Variants in XPNPEP2 observed in about 807,000 individuals in gnomAD.
The protein encoded by XPNPEP2 is xaa-Pro aminopeptidase 2.
In XPNPEP2, 64 loss-of-function variants were observed where a neutral mutation model predicts 59.8. The ratio of observed to expected loss-of-function variants is 1.07; its 90% CI spans 0.87 to 1.32. The LOEUF (loss-of-function observed/expected upper bound fraction) is 1.32. XPNPEP2 is among the 40% of genes most tolerant of loss of function. XPNPEP2 has a pLI of 0.00. For synonymous variants in XPNPEP2, 235 were observed against 210.0 expected (o/e 1.12, Z -1.03); for missense variants, 575 against 546.8 (o/e 1.05, Z -0.51).
chrX:129,746,066 C>G (rs1016108687), intron 4 of XPNPEP2, among the ~76,000 whole-genome samples, 170 bp from the exon 5 acceptor site: 2 of 112,323 alleles, frequency 1.8e-5, no homozygotes, highest in Admixed American at 1.9e-4. Context: ...CAGCTCCCCC[C>G]ACAGCTCTTT....
chrX:129,756,497 C>G lies in XPNPEP2; in HGVS notation c.1309C>G (p.Leu437Val), dbSNP rs1368461644. The change falls in exon 14 of 21, where the codon CTG (leucine) becomes GTG (valine). Residue 437 changes from leucine (L) to valine (V), a missense_variant. Coordinates refer to ENST00000371106, the MANE Select transcript of XPNPEP2 (RefSeq NM_003399.6). ...TCCCCTTCTCAGCCCGACCAAGGAG[C>G]TGAACCGCAAGCTGTCCTCAGATGA... ...ALAHYSPTKE[L>V]NRKLSSDEMY... The G allele has an allele frequency of 8.3e-7, 1 of 1,211,682 alleles. No individual in the cohort carries two copies. The highest frequency in any genetic ancestry group is 1.1e-6 in the Non-Finnish European group (1 of 895,404).
chrX:129,750,619 C>T, intron 8 of XPNPEP2, 50 bp downstream of exon 8: 3 of 1,038,027 alleles, frequency 2.9e-6, no homozygotes, highest in South Asian at 2.1e-5. Flanking sequence ...TCCCCAATGC[C>T]CCAAGCCTCC....
rs1926325862 is a variant in XPNPEP2, at chrX:129,747,693, G to A, written c.577G>A (p.Gly193Arg). The A allele has an allele frequency of 8.3e-7, 1 of 1,210,521 alleles. No individual in the cohort carries two copies. The highest frequency in any genetic ancestry group is 2.2e-5 in the Admixed American group (1 of 45,913). The part of the protein sequence containing the change: ...ITTNLVDLVW[G>R]SERPPVPNQP... ...AACCAATCTTGTGGACCTGGTATGG[G>A]GATCAGAGAGGCCACCGGTTCCAAA... Residue 193 changes from glycine (G) to arginine (R), a missense_variant, in exon 7 of 21, where the codon GGA (glycine) becomes AGA (arginine). By Grantham distance (125) the Gly-to-Arg change is moderately radical (BLOSUM62 -2). Coordinates refer to ENST00000371106, the MANE Select transcript of XPNPEP2 (RefSeq NM_003399.6).
intron 7 of XPNPEP2, among the ~76,000 whole-genome samples, chrX:129,748,509 G>C (rs1447895449): frequency 8.9e-6 from 1 of 111,953 alleles, no homozygotes; most frequent in Non-Finnish European, 1.9e-5. Context: ...TAGTAACATT[G>C]ATCAAGCCAA....
At chrX:129,747,450 T>A (rs1926318486) in intron 6 of XPNPEP2, among the ~76,000 whole-genome samples, 157 bp from the exon 7 acceptor site, 2 of 105,866 alleles carry the variant, frequency 1.9e-5, no homozygotes, top group South Asian at 9.4e-4. Context: ...TGGGCATACA[T>A]GCCGGGGGTG....
At chrX:129,742,933 G>C (rs1001924541) in intron 2 of XPNPEP2, among the ~76,000 whole-genome samples, 9 of 111,518 alleles carry the variant, frequency 8.1e-5, no homozygotes, top group Admixed American at 7.6e-4. Context: ...CAAAACCAAA[G>C]AAGAGCCAAC....
Position 129,739,208 on chromosome X carries a change from G to A in XPNPEP2, c.-6G>A. On this transcript the variant is annotated 5_prime_UTR_variant, in exon 1 of 21. Transcript: ENST00000371106. ...CATCCACCCAGCGCCGGCATCTGGAGACCCTATGGCCCGGGCTCACTGGGG... is the reference window on the plus strand; with the variant it reads ...CATCCACCCAGCGCCGGCATCTGGAAACCCTATGGCCCGGGCTCACTGGGG... 1.7e-6 allele frequency: 2 copies of A among 1,209,087 alleles called. No homozygotes were observed. The highest frequency in any genetic ancestry group is 2.2e-6 in the Non-Finnish European group (2 of 895,270).
At chrX:129,760,073 C>T (rs1761116393) in intron 15 of XPNPEP2, among the ~76,000 whole-genome samples, 1 of 112,451 alleles carries the variant, frequency 8.9e-6, no homozygotes, top group Non-Finnish European at 1.9e-5. Context: ...ACCTTCTGTA[C>T]ATTAGTCTGC....
chrX:129,750,424 C>T (rs1967756753), intron 7 of XPNPEP2, 44 bp from the exon 8 acceptor site: 1 of 1,090,257 alleles, frequency 9.2e-7, no homozygotes, highest in Non-Finnish European at 1.2e-6. Flanking sequence ...GTGCCAAAGG[C>T]AAGGTCTGTC....
At chrX:129,756,439 G>A in intron 13 of XPNPEP2, 45 bp from the exon 14 acceptor site, 2 of 1,192,449 alleles carry the variant, frequency 1.7e-6, no homozygotes, top group Non-Finnish European at 2.3e-6. Flanking sequence ...ACGTGACCCA[G>A]TGCAGGGTTA....
Position 129,755,278 on chromosome X carries a change from G to T in XPNPEP2, c.1218-16G>T. 8.3e-7 allele frequency: 1 copy of T among 1,209,227 alleles called. No homozygotes were observed. Among genetic ancestry groups the T allele is most frequent in the Non-Finnish European group, 1.1e-6 (1 of 893,247 alleles). On this transcript the variant is annotated splice_polypyrimidine_tract_variant and intron_variant, in intron 12 of 20. Transcript: ENST00000371106. ...GGGGCCCATTCATTGACCATGCCTT[G>T]CCTTGTACTTTCCAGAGAAGAACAG...
chrX:129,745,583 C>T (rs759468277), intron 4 of XPNPEP2, among the ~76,000 whole-genome samples: 116 of 112,004 alleles, frequency 1.0e-3, no homozygotes, highest in Middle Eastern at 4.6e-3. Flanking sequence ...TACCTCTAAC[C>T]GCTAAGAACC....
At chrX:129,757,815 G>GAAAGAAAGAAAGAA (rs1926559172) in intron 14 of XPNPEP2, among the ~76,000 whole-genome samples, 1 of 81,853 alleles carries the variant, frequency 1.2e-5, no homozygotes, top group African/African-American at 4.7e-5. Context: ...AAGAAAGAAA[G>GAAAGAAAGAAAGAA]AAAGAAAGAA....
rs186864953 is a variant in XPNPEP2 at position 129,757,063 on chromosome X, T to C, written c.1367+508T>C. 3.1e-3 allele frequency among the ~76,000 whole-genome samples: 262 copies of C among 84,814 alleles called. 4 individuals are homozygous for C. The highest frequency in any genetic ancestry group is 0.014 in the African/African-American group (236 of 17,010). The allele number at this position is 84,814 out of a possible 115,157, so 73.7% of individuals were successfully genotyped here. Reference sequence around the variant, plus strand: ...ATATATATATACACACACATATATATACACACACATACACACACACACACA... The same window carrying C: ...ATATATATATACACACACATATATACACACACACATACACACACACACACA... On this transcript the variant is annotated intron_variant, in intron 14 of 20. Coordinates refer to ENST00000371106, the MANE Select transcript of XPNPEP2 (RefSeq NM_003399.6).
chrX:129,757,851 G>GAAAGAAAT (rs1569477210), intron 14 of XPNPEP2, among the ~76,000 whole-genome samples: 4 of 81,670 alleles, frequency 4.9e-5, no homozygotes, highest in Non-Finnish European at 6.8e-5. Context: ...AAGAAAGAAA[G>GAAAGAAAT]AAAGAAAGAG....
intron 19 of XPNPEP2, among the ~76,000 whole-genome samples, chrX:129,765,178 G>T (rs112126555): frequency 0.037 from 4,082 of 111,379 alleles, 208 homozygotes; most frequent in African/African-American, 0.13. Flanking sequence ...AAACCTAGGA[G>T]AGTGGTCTGC....
In XPNPEP2 at chrX:129,739,751, C is replaced by A. The variant is rs149814043; in HGVS notation, c.49+489C>A. 4.7e-3 allele frequency among the ~76,000 whole-genome samples: 530 copies of A among 112,453 alleles called. 4 individuals are homozygous for A. Among genetic ancestry groups the A allele is most frequent in the African/African-American group, 0.017 (517 of 30,958 alleles). Reference sequence around the variant, plus strand: ...GTGTCTAAACTGACTTAGCAAGATTCTTGCTAAGACTGGGTGATGCAAGCC... The same window carrying A: ...GTGTCTAAACTGACTTAGCAAGATTATTGCTAAGACTGGGTGATGCAAGCC... On this transcript the variant is annotated intron_variant, in intron 1 of 20. Transcript: ENST00000371106.
Position 129,739,223 on chromosome X carries a change from G to A in XPNPEP2, c.10G>A (p.Ala4Thr). The A allele has an allele frequency of 8.3e-7, 1 of 1,209,248 alleles. No homozygotes were observed. The highest frequency in any genetic ancestry group is 1.1e-6 in the Non-Finnish European group (1 of 895,332). Residue 4 changes from alanine (A) to threonine (T), a missense_variant, in exon 1 of 21, where the codon GCT becomes ACT. By Grantham distance (58) the Ala-to-Thr change is moderately conservative. Coordinates refer to ENST00000371106, the MANE Select transcript of XPNPEP2 (RefSeq NM_003399.6). The stretch of plus-strand genomic sequence containing the variant: ...GGCATCTGGAGACCCTATGGCCCGG[G>A]CTCACTGGGGCTGCTGCCCCTGGCT... MAR[A>T]HWGCCPWLVL...
chrX:129,753,359 C>A (rs1441811860), intron 11 of XPNPEP2, 111 bp downstream of exon 11: 10 of 758,232 alleles, frequency 1.3e-5, no homozygotes, highest in South Asian at 2.5e-5. Flanking sequence ...AACAAAGAAG[C>A]AAGCTGGGCG....
Sources: gnomAD v4.1 joint callset for allele counts (sites outside exome capture counted in the v4.1 genomes callset) on GRCh38, gnomAD v4.1.1 for gene constraint, MANE v1.5 for transcripts, NCBI Gene and HGNC (gene_info 2026-07-23, HGNC 2026-07-21) for gene names.